CCDC93: variants seen among roughly 807,000 people sequenced by gnomAD.
The protein encoded by CCDC93 is CCC complex scaffolding subunit CCDC93, also known as coiled-coil domain-containing protein 93.
CCDC93 carries 61 observed loss-of-function variants against 108.2 expected under a neutral mutation model. That is an observed-to-expected ratio of 0.56 (90% CI 0.46 to 0.70). CCDC93 has a LOEUF of 0.70. CCDC93 is among the 30% of genes least tolerant of loss of function. The probability of loss-of-function intolerance (pLI) is 0.00; values close to 1 mark genes in which losing one functional copy is unlikely to be tolerated. For synonymous variants in CCDC93, 276 were observed against 260.4 expected (o/e 1.06, Z -0.58); for missense variants, 685 against 764.2 (o/e 0.90, Z 1.22).
chr2:117,962,602 C>T (rs60716475), intron 11 of CCDC93, among the ~76,000 whole-genome samples: 11,443 of 152,186 alleles, frequency 0.075, 524 homozygotes, highest in South Asian at 0.15. Context: ...GAGGTCACAC[C>T]ACTACACTCC....
intron 11 of CCDC93, among the ~76,000 whole-genome samples, chr2:117,970,216 T>C (rs976261557): frequency 6.6e-6 from 1 of 152,186 alleles, no homozygotes; most frequent in Non-Finnish European, 1.5e-5. Context: ...AGTTTAGCTA[T>C]AAGACATAAA....
At position 117,952,455 on chromosome 2, in the gene CCDC93, G is replaced by A. The variant is rs748811246; in HGVS notation, c.1006-20C>T. On this transcript the variant is annotated intron_variant, in intron 12 of 23. Transcript: ENST00000376300. ...TCGCAGCTGTAAATGAAAGATAAAA[G>A]ACATATGCTCTCATTTGATCCTTAT... The A allele has an allele frequency of 6.4e-6, 10 of 1,560,918 alleles. No homozygotes were observed. The highest frequency in any genetic ancestry group is 8.0e-6 in the Non-Finnish European group (9 of 1,131,724).
chr2:117,949,686 GTGTTAC>G (rs1678990295), intron 13 of CCDC93: 1 of 855,040 alleles, frequency 1.2e-6, no homozygotes, highest in African/African-American at 1.8e-5. Context: ...CGATGTGAAT[GTGTTAC>G]TTATTCAAAA....
At chr2:117,983,243 A>G (rs1353234204) in intron 7 of CCDC93, among the ~76,000 whole-genome samples, 3 of 152,190 alleles carry the variant, frequency 2.0e-5, no homozygotes, top group African/African-American at 7.2e-5. Context: ...AACATCATTT[A>G]CTACCCCTCC....
intron 13 of CCDC93, chr2:117,950,606 A>ATCTGGGAAG (rs1339048787): frequency 2.7e-4 from 268 of 985,278 alleles, no homozygotes; most frequent in Non-Finnish European, 3.1e-4. Context: ...AAGAGGTCAA[A>ATCTGGGAAG]TCTGGGAAGC....
rs1179777677 is a variant in CCDC93 at position 117,941,273 on chromosome 2, T to C, written c.1438A>G (p.Ile480Val). 1.2e-6 allele frequency: 2 copies of C among 1,613,856 alleles called. No individual in the cohort carries two copies. Among genetic ancestry groups the C allele is most frequent in the Admixed American group, 3.3e-5 (2 of 59,988 alleles). Reference protein sequence around the residue: ...LQARRNREIAILHRKIDEVPS... With the variant: ...LQARRNREIAVLHRKIDEVPS... ...ACTTCATCAATCTTGCGGTGCAAAATTGCTATTTCTCGATTTCTTCGAGCC... is the reference window on the plus strand; with the variant it reads ...ACTTCATCAATCTTGCGGTGCAAAACTGCTATTTCTCGATTTCTTCGAGCC... The change falls in exon 19 of 24, where the codon ATT (isoleucine) becomes GTT (valine). Residue 480 changes from isoleucine (I) to valine (V), a missense_variant. Physicochemically the swap from Ile to Val is conservative, Grantham distance 29. Transcript: ENST00000376300.
intron 11 of CCDC93, among the ~76,000 whole-genome samples, chr2:117,961,653 G>A (rs971207474): frequency 6.6e-6 from 1 of 152,150 alleles, no homozygotes; most frequent in African/African-American, 2.4e-5. Context: ...GAACAGGTCC[G>A]TAAACCAGCA....
intron 11 of CCDC93, among the ~76,000 whole-genome samples, chr2:117,962,560 T>C (rs1277348115): frequency 6.6e-6 from 1 of 152,204 alleles, no homozygotes; most frequent in Non-Finnish European, 1.5e-5. Context: ...TGAGAATTGC[T>C]TAAACCCAGG....
chr2:118,013,955 TC>T lies in CCDC93; in HGVS notation c.40del (p.Glu14ArgfsTer14). 6.3e-7 allele frequency: 1 copy of T among 1,591,534 alleles called. No individual in the cohort carries two copies. Among genetic ancestry groups the T allele is most frequent in the Non-Finnish European group, 8.5e-7 (1 of 1,170,624 alleles). ...CAGGGAAGGAGGAGGCGTTCTTACC[TC>T]CGGGAGACCCTGGCCCTCCGGCCCC... is the stretch of plus-strand genomic sequence containing the variant. ...PRGPEGQGLP[E>X]VETREDEEQN... On this transcript the variant is annotated frameshift_variant and splice_region_variant, in exon 1 of 24. Transcript: ENST00000376300. LOFTEE classifies it high-confidence loss of function.
intron 3 of CCDC93, among the ~76,000 whole-genome samples, chr2:118,003,456 T>C (rs1158162813): frequency 3.3e-5 from 5 of 152,202 alleles, no homozygotes; most frequent in South Asian, 4.1e-4. Context: ...CAACTAACTA[T>C]GCAGGGGCAC....
intron 11 of CCDC93, among the ~76,000 whole-genome samples, chr2:117,968,237 C>T (rs1282939152): frequency 6.6e-6 from 1 of 152,182 alleles, no homozygotes; most frequent in African/African-American, 2.4e-5. Context: ...GCCCAGCTTC[C>T]TTTTCTTTCT....
rs572745083 is a variant in CCDC93, at chr2:117,981,644, C to T, written c.621-3614G>A. On this transcript the variant is annotated intron_variant, in intron 7 of 23. Coordinates refer to ENST00000376300, the MANE Select transcript of CCDC93 (RefSeq NM_019044.5). ...CAAAAGAAATATAAAGAAGGACACACATACAATTTTTTAATTACTAGGTTA... is the reference window on the plus strand; with the variant it reads ...CAAAAGAAATATAAAGAAGGACACATATACAATTTTTTAATTACTAGGTTA... Among the ~76,000 whole-genome samples the T allele has an allele frequency of 2.4e-4, 37 of 152,338 alleles. 2 individuals carry two copies. In the South Asian group the frequency reaches 7.5e-3, roughly 31 times the overall value.
intron 11 of CCDC93, 125 bp downstream of exon 11, chr2:117,973,783 G>A (rs1280313098): frequency 2.8e-6 from 2 of 719,456 alleles, no homozygotes; most frequent in East Asian, 2.7e-5. Context: ...GTGTGTTTCT[G>A]ACTAACGTGG....
At position 118,000,888 on chromosome 2, in the gene CCDC93, C is replaced by A; in HGVS notation, c.296G>T (p.Cys99Phe). 4 of 1,613,780 alleles carry A rather than the reference C, an allele frequency of 2.5e-6. No homozygotes were observed. Among genetic ancestry groups the A allele is most frequent in the Non-Finnish European group, 3.4e-6 (4 of 1,179,796 alleles). Residue 99 changes from cysteine to phenylalanine, a missense_variant, in exon 4 of 24, where the codon TGC (cysteine) becomes TTC (phenylalanine). Transcript: ENST00000376300. ...CTGGTGGGGCTCCAGCTGGTGTGGG[C>A]ATTTCATCCTTGGCAGGACCGAGAC... Reference protein sequence around the residue: ...KIVSVLPRMKCPHQLEPHQIQ... With the variant: ...KIVSVLPRMKFPHQLEPHQIQ...
chr2:117,932,171 G>C (rs1039985420), intron 22 of CCDC93, among the ~76,000 whole-genome samples: 4 of 152,280 alleles, frequency 2.6e-5, no homozygotes, highest in African/African-American at 9.6e-5. Context: ...TAAACCCAGA[G>C]AATCAGCCAG....
chr2:117,928,804 T>C (rs1217781355), intron 23 of CCDC93, among the ~76,000 whole-genome samples: 1 of 152,202 alleles, frequency 6.6e-6, no homozygotes, highest in Admixed American at 6.5e-5. Flanking sequence ...TAAAGACACA[T>C]GCACACGTAT....
At chr2:117,932,579 T>C (rs1448435832) in intron 22 of CCDC93, among the ~76,000 whole-genome samples, 1 of 152,216 alleles carries the variant, frequency 6.6e-6, no homozygotes, top group East Asian at 1.9e-4. Flanking sequence ...TACGGATGCC[T>C]GGTGCACACC....
chr2:117,945,469 T>C, intron 17 of CCDC93, 60 bp downstream of exon 17: 1 of 1,384,402 alleles, frequency 7.2e-7, no homozygotes. Flanking sequence ...CACAGGAGAG[T>C]GGAAAGCTGG....
intron 6 of CCDC93, among the ~76,000 whole-genome samples, chr2:117,986,707 T>C (rs1680330893): frequency 6.6e-6 from 1 of 152,142 alleles, no homozygotes; most frequent in South Asian, 2.1e-4. Flanking sequence ...AAACATTCTT[T>C]CTGTAACACA....
Sources: gnomAD v4.1 joint callset for allele counts (sites outside exome capture counted in the v4.1 genomes callset) on GRCh38, gnomAD v4.1.1 for gene constraint, MANE v1.5 for transcripts, NCBI Gene and HGNC (gene_info 2026-07-23, HGNC 2026-07-21) for gene names.